Variants in HOXC4 observed in about 807,000 individuals in gnomAD.
The protein encoded by HOXC4 is homeobox C4.
In HOXC4, 15 loss-of-function variants were observed where a neutral mutation model predicts 25.5. That is an observed-to-expected ratio of 0.59 (90% CI 0.39 to 0.91). The LOEUF is 0.91. Among genes scored for constraint, HOXC4 ranks in the 40% least tolerant of loss-of-function variants. The pLI, the probability that HOXC4 is intolerant of heterozygous loss-of-function variation, is 0.00. For synonymous variants in HOXC4, 165 were observed against 148.0 expected, an observed-to-expected ratio of 1.11 and a Z score of -0.83; for missense variants, 342 against 352.4, an observed-to-expected ratio of 0.97 and a Z score of 0.24.
At chr12:54,033,155 G>T (rs35606176) in intron 1 of HOXC4, 45 of 1,613,560 alleles carry the variant, frequency 2.8e-5, no homozygotes, top group Non-Finnish European at 3.5e-5. Context: ...CATTCTATAA[G>T]CAGAGCCCCA....
At chr12:54,031,831 C>G (rs143567681) in intron 1 of HOXC4, among the ~76,000 whole-genome samples, 1,676 of 152,260 alleles carry the variant, frequency 0.011, 32 homozygotes, top group African/African-American at 0.038. Flanking sequence ...CTGCAGATAC[C>G]CTGCGAAGGC....
chr12:54,048,935 G>C (rs571265118), upstream of HOXC4, among the ~76,000 whole-genome samples: 6 of 152,104 alleles, frequency 3.9e-5, no homozygotes, highest in East Asian at 1.2e-3. Context: ...CCAACCTGCC[G>C]CACAGCAAGG....
intron 1 of HOXC4, chr12:54,033,436 GC>G: frequency 6.9e-6 from 11 of 1,601,894 alleles, no homozygotes; most frequent in Non-Finnish European, 9.4e-6. Flanking sequence ...AAGGCGGCTC[GC>G]CCGGCGCTGG....
At chr12:54,037,646 T>A (rs892246295) in intron 1 of HOXC4, among the ~76,000 whole-genome samples, 5 of 152,204 alleles carry the variant, frequency 3.3e-5, no homozygotes, top group Non-Finnish European at 7.4e-5. Flanking sequence ...GCAAGGGGGA[T>A]GTGGGGGTGG....
At chr12:54,027,991 T>C (rs1020332522) in intron 1 of HOXC4, among the ~76,000 whole-genome samples, 2 of 152,216 alleles carry the variant, frequency 1.3e-5, no homozygotes, top group African/African-American at 4.8e-5. Flanking sequence ...CTGCAGGATT[T>C]CTAGGGACCC....
chr12:54,035,550 G>C (rs1941167173), intron 1 of HOXC4, among the ~76,000 whole-genome samples: 1 of 152,198 alleles, frequency 6.6e-6, no homozygotes, highest in Non-Finnish European at 1.5e-5. Flanking sequence ...AAGAGCCTCT[G>C]GGGGAAGAGA....
chr12:54,050,098 G>C (rs1281889312), upstream of HOXC4, among the ~76,000 whole-genome samples: 1 of 152,116 alleles, frequency 6.6e-6, no homozygotes, highest in Admixed American at 6.5e-5. Context: ...GGAAAAATCA[G>C]AGAGGGGTAC....
chr12:54,029,578 G>A (rs1940901420), intron 1 of HOXC4: 3 of 1,490,550 alleles, frequency 2.0e-6, no homozygotes, highest in Non-Finnish European at 2.7e-6. Context: ...GGGAGGGTCA[G>A]GACTTTGCTA....
chr12:54,040,616 G>T (rs185808085), intron 1 of HOXC4, among the ~76,000 whole-genome samples: 38 of 152,320 alleles, frequency 2.5e-4, no homozygotes, highest in Admixed American at 1.6e-3. Flanking sequence ...GTTCGCCAGC[G>T]TGATTCTACC....
At chr12:54,028,851 G>C in intron 1 of HOXC4, 1 of 1,614,112 alleles carries the variant, frequency 6.2e-7, no homozygotes, top group Non-Finnish European at 8.5e-7. Flanking sequence ...AGCAGGGCAG[G>C]ACTGCGCCCC....
At chr12:54,034,560 C>T (rs1236138618) in intron 1 of HOXC4, 3 of 1,332,060 alleles carry the variant, frequency 2.3e-6, no homozygotes, top group Non-Finnish European at 3.2e-6. Flanking sequence ...TCCTTTTCGC[C>T]TTTCCTCTCT....
intron 1 of HOXC4, among the ~76,000 whole-genome samples, chr12:54,025,586 T>A (rs1334337949): frequency 6.6e-6 from 1 of 151,590 alleles, no homozygotes; most frequent in Admixed American, 6.6e-5. Flanking sequence ...AGTGGAGGAA[T>A]TTATTTGTAT....
At chr12:54,029,668 A>G in intron 1 of HOXC4, 1 of 1,613,184 alleles carries the variant, frequency 6.2e-7, no homozygotes, top group Non-Finnish European at 8.5e-7. Flanking sequence ...TCGGCTACGG[A>G]GCGGACCGGA....
At chr12:54,035,090 C>G (rs887545538) in intron 1 of HOXC4, 2 of 154,098 alleles carry the variant, frequency 1.3e-5, no homozygotes, top group Non-Finnish European at 2.9e-5. Context: ...TCTCCACAAC[C>G]TCTTCCCCCC....
rs565754932 is a variant in HOXC4, at chr12:54,029,679, G to A, written c.-124+12265G>A. The stretch of plus-strand genomic sequence containing the variant: ...GGGGTCGGCTACGGAGCGGACCGGA[G>A]GCGCGGCCGCCAGATCTACTCGCGG... On this transcript the variant is annotated intron_variant, in intron 1 of 3. Coordinates refer to the HOXC4 transcript ENST00000303406. 63 of 1,613,714 alleles carry A rather than the reference G, an allele frequency of 3.9e-5. No homozygotes were observed. In the African/African-American group the frequency reaches 7.5e-4, roughly 19 times the overall value.
chr12:54,040,908 C>T (rs143782012), intron 1 of HOXC4, among the ~76,000 whole-genome samples: 107 of 152,298 alleles, frequency 7.0e-4, no homozygotes, highest in African/African-American at 2.6e-3. Flanking sequence ...CTGATTGGTA[C>T]CTTTCGTTTG....
intron 1 of HOXC4, chr12:54,034,208 TGG>T: frequency 7.2e-7 from 1 of 1,384,220 alleles, no homozygotes; most frequent in Non-Finnish European, 1.0e-6. Flanking sequence ...GGGCCTGGGC[TGG>T]GGTGGGGACG....
At chr12:54,025,681 C>T (rs1423511727) in intron 1 of HOXC4, among the ~76,000 whole-genome samples, 2 of 152,176 alleles carry the variant, frequency 1.3e-5, no homozygotes, top group Non-Finnish European at 2.9e-5. Flanking sequence ...ATCGGCGAGA[C>T]CTTTCAGTCT....
At chr12:54,028,840 G>A (rs1418007936) in intron 1 of HOXC4, 2 of 1,614,154 alleles carry the variant, frequency 1.2e-6, no homozygotes, top group Admixed American at 1.7e-5. Context: ...TTTTAGTTCT[G>A]AGCAGGGCAG....
Sources: gnomAD v4.1 joint callset for allele counts (sites outside exome capture counted in the v4.1 genomes callset) on GRCh38, gnomAD v4.1.1 for gene constraint, MANE v1.5 for transcripts, NCBI Gene and HGNC (gene_info 2026-07-23, HGNC 2026-07-21) for gene names.